FAF1: variants seen among roughly 807,000 people sequenced by gnomAD.
The protein encoded by FAF1 is FAS-associated factor 1.
FAF1 carries 25 observed loss-of-function variants against 92.5 expected under a neutral mutation model. The observed-to-expected ratio is 0.27, with a 90% CI of 0.20 to 0.38. The LOEUF is 0.38. FAF1 is among the 10% of genes least tolerant of loss of function. The pLI is 1.00. For synonymous variants in FAF1, 234 were observed against 273.2 expected, an observed-to-expected ratio of 0.86 and a Z score of 1.42; for missense variants, 636 against 793.3, an observed-to-expected ratio of 0.80 and a Z score of 2.38.
chr1:50,824,354 G>C (rs1644073036), intron 2 of FAF1, among the ~76,000 whole-genome samples: 1 of 152,034 alleles, frequency 6.6e-6, no homozygotes, highest in Non-Finnish European at 1.5e-5. Flanking sequence ...AAACCTATTT[G>C]AAGATAGTTA....
chr1:50,935,665 G>A (rs906964643), intron 1 of FAF1, among the ~76,000 whole-genome samples: 6 of 149,834 alleles, frequency 4.0e-5, no homozygotes, highest in Non-Finnish European at 5.9e-5. Context: ...TAGAGATGGG[G>A]TTTCACCATG....
chr1:50,915,720 G>GA (rs918392097), intron 1 of FAF1, among the ~76,000 whole-genome samples: 1 of 151,576 alleles, frequency 6.6e-6, no homozygotes, highest in Non-Finnish European at 1.5e-5. Context: ...CTTCTTACGA[G>GA]AAAAAAGGTA....
intron 7 of FAF1, among the ~76,000 whole-genome samples, chr1:50,693,049 G>A (rs1228362963): frequency 6.6e-6 from 1 of 152,076 alleles, no homozygotes; most frequent in Non-Finnish European, 1.5e-5. Flanking sequence ...GCCCTCTGAG[G>A]CACTAAAGTT....
intron 17 of FAF1, among the ~76,000 whole-genome samples, chr1:50,483,557 AT>A (rs1163349123): frequency 6.6e-6 from 1 of 152,188 alleles, no homozygotes. Context: ...TTCAGGTTTT[AT>A]TTTGAGATGT....
intron 18 of FAF1, among the ~76,000 whole-genome samples, chr1:50,463,987 G>A (rs1309734169): frequency 6.6e-6 from 1 of 152,150 alleles, no homozygotes; most frequent in Non-Finnish European, 1.5e-5. Context: ...CTTCCTTAGA[G>A]GAAAGTAGGA....
rs555957655 is a variant in FAF1, at chr1:50,546,222, T to G, written c.1269-6494A>C. On this transcript the variant is annotated intron_variant, in intron 13 of 18. Transcript: ENST00000396153. ...TAGTATATTATGGAATTTAAAGAGA[T>G]ACTATGTAGCCATTAAATAGATTTC... 5.3e-5 allele frequency among the ~76,000 whole-genome samples: 8 copies of G among 152,330 alleles called. No individual in the cohort carries two copies. The East Asian group carries it at 1.3e-3, about 26-fold the overall frequency.
At position 50,438,710 on chromosome 1, in the gene FAF1, C is replaced by A. The variant is rs1253305060; in HGVS notation, c.*2730G>T. On this transcript the variant is annotated 3_prime_UTR_variant, in exon 19 of 19. Coordinates refer to ENST00000396153, the MANE Select transcript of FAF1 (RefSeq NM_007051.3). ...ACCTCTTAAAAACCTATTCTACTGA[C>A]CAGCACACTTAGATGTTATTATGTG... The A allele has an allele frequency of 6.6e-6, 1 of 152,204 alleles. No homozygotes were observed. The highest frequency in any genetic ancestry group is 1.5e-5 in the Non-Finnish European group (1 of 68,044). 9.4% of individuals were successfully genotyped at this position (152,204 alleles called of 1,614,324 possible). A position where few individuals can be genotyped will look rare whatever the true frequency, so the allele number is the denominator to read the frequency against.
intron 4 of FAF1, among the ~76,000 whole-genome samples, chr1:50,763,511 C>T (rs1267364176): frequency 6.6e-6 from 1 of 152,066 alleles, no homozygotes; most frequent in Non-Finnish European, 1.5e-5. Flanking sequence ...TTTCCACTCT[C>T]TCCTCTATTT....
intron 1 of FAF1, among the ~76,000 whole-genome samples, chr1:50,956,071 G>A (rs1645264480): frequency 6.6e-6 from 1 of 152,174 alleles, no homozygotes; most frequent in Non-Finnish European, 1.5e-5. Context: ...GGATGGCAGT[G>A]ATAGTAACAA....
At chr1:50,885,342 T>A (rs201944649) in intron 1 of FAF1, among the ~76,000 whole-genome samples, 1 of 140,794 alleles carries the variant, frequency 7.1e-6, no homozygotes. Context: ...TCTCTCTCTC[T>A]CAATATTTGC....
At chr1:50,692,247 G>C (rs1026625601) in intron 7 of FAF1, among the ~76,000 whole-genome samples, 12 of 96,134 alleles carry the variant, frequency 1.2e-4, no homozygotes, top group African/African-American at 4.4e-4. Flanking sequence ...TTTACTGTGT[G>C]TGTGTGTGTG....
At chr1:50,632,731 G>A (rs1298939731) in intron 8 of FAF1, among the ~76,000 whole-genome samples, 1 of 152,136 alleles carries the variant, frequency 6.6e-6, no homozygotes, top group African/African-American at 2.4e-5. Context: ...TACCCAGACA[G>A]TGGTTTCCAG....
At chr1:50,920,227 G>A (rs531486933) in intron 1 of FAF1, among the ~76,000 whole-genome samples, 1 of 152,082 alleles carries the variant, frequency 6.6e-6, no homozygotes, top group South Asian at 2.1e-4. Flanking sequence ...CTTGAGCCTG[G>A]GGGGCAGAGG....
chr1:50,823,307 C>T (rs561539341), intron 2 of FAF1, among the ~76,000 whole-genome samples: 3 of 152,184 alleles, frequency 2.0e-5, no homozygotes, highest in African/African-American at 4.8e-5. Context: ...GGCAATTACT[C>T]GGTACAAAGA....
chr1:50,559,060 G>A (rs532190373), intron 13 of FAF1, among the ~76,000 whole-genome samples: 3 of 152,230 alleles, frequency 2.0e-5, no homozygotes, highest in South Asian at 2.1e-4. Flanking sequence ...AGATCAGCCC[G>A]ACCTACAAGG....
At chr1:50,481,187 A>G (rs1254274411) in intron 17 of FAF1, among the ~76,000 whole-genome samples, 1 of 152,182 alleles carries the variant, frequency 6.6e-6, no homozygotes, top group Non-Finnish European at 1.5e-5. Context: ...AGGTTTATTC[A>G]TTGCTGAAAA....
At chr1:50,883,521 G>A (rs1445511951) in intron 1 of FAF1, among the ~76,000 whole-genome samples, 1 of 152,132 alleles carries the variant, frequency 6.6e-6, no homozygotes. Context: ...AAAGGAAGAA[G>A]ACAAGTCAAA....
At chr1:50,673,402 G>A (rs535545059) in intron 7 of FAF1, among the ~76,000 whole-genome samples, 5 of 152,282 alleles carry the variant, frequency 3.3e-5, no homozygotes, top group East Asian at 1.9e-4. Context: ...CATCCATTCC[G>A]TTGTGCAGCA....
intron 13 of FAF1, among the ~76,000 whole-genome samples, chr1:50,560,920 C>T (rs1649871994): frequency 6.6e-6 from 1 of 152,218 alleles, no homozygotes; most frequent in Non-Finnish European, 1.5e-5. Flanking sequence ...CTGGAGGGCA[C>T]AGCCTTTATA....
Sources: allele counts gnomAD v4.1 joint callset (sites outside exome capture counted in the v4.1 genomes callset), GRCh38; gene constraint gnomAD v4.1.1; transcripts MANE v1.5; gene names NCBI Gene and HGNC (gene_info 2026-07-23, HGNC 2026-07-21).